The following ZNF169 variants were observed in gnomAD, a reference collection of about 807,000 sequenced individuals.
The protein encoded by ZNF169 is zinc finger protein 169.
ZNF169 carries 11 observed loss-of-function variants against 12.0 expected under a neutral mutation model. The ratio of observed to expected loss-of-function variants is 0.92; its 90% CI spans 0.58 to 1.52. ZNF169 has a LOEUF of 1.52. Among genes scored for constraint, ZNF169 ranks in the 40% most tolerant of loss-of-function variants. ZNF169 has a pLI of 0.00. For synonymous variants in ZNF169, 302 were observed against 286.5 expected (o/e 1.05, Z -0.55); for missense variants, 722 against 744.0 (o/e 0.97, Z 0.34).
At chr9:94,286,317 T>C (rs1222735931) in intron 2 of ZNF169, among the ~76,000 whole-genome samples, 1 of 152,214 alleles carries the variant, frequency 6.6e-6, no homozygotes, top group African/African-American at 2.4e-5. Flanking sequence ...TTACTGATTT[T>C]GTTTTGCATC....
chr9:94,288,403 T>A, intron 2 of ZNF169: 1 of 1,259,518 alleles, frequency 7.9e-7, no homozygotes, highest in Non-Finnish European at 1.1e-6. Flanking sequence ...TTTGGTATTC[T>A]CAGTGTTGGC....
At chr9:94,280,656 C>T (rs191780580) in intron 2 of ZNF169, among the ~76,000 whole-genome samples, 7 of 152,284 alleles carry the variant, frequency 4.6e-5, no homozygotes, top group African/African-American at 1.7e-4. Context: ...CACACCTGGG[C>T]AAGGGAGGGG....
chr9:94,261,225 A>G (rs1830203417), intron 1 of ZNF169, among the ~76,000 whole-genome samples: 1 of 151,972 alleles, frequency 6.6e-6, no homozygotes, highest in East Asian at 1.9e-4. Context: ...TGTTTTTACC[A>G]TGTTGGCTAG....
intron 2 of ZNF169, 66 bp downstream of exon 2, chr9:94,278,911 C>G (rs1231658133): frequency 6.4e-7 from 1 of 1,562,866 alleles, no homozygotes; most frequent in African/African-American, 1.4e-5. Flanking sequence ...GTCCTGAAGG[C>G]TGCCTTCTTG....
At chr9:94,280,172 A>C (rs890716444) in intron 2 of ZNF169, among the ~76,000 whole-genome samples, 1 of 152,220 alleles carries the variant, frequency 6.6e-6, no homozygotes, top group African/African-American at 2.4e-5. Flanking sequence ...GGATAAATTA[A>C]AAATGGTTTT....
At chr9:94,293,279 C>G (rs535441003) in intron 4 of ZNF169, 1 of 601,438 alleles carries the variant, frequency 1.7e-6, no homozygotes, top group Non-Finnish European at 3.0e-6. Flanking sequence ...CTTCCTCCAT[C>G]AGGGAGCCTC....
intron 1 of ZNF169, among the ~76,000 whole-genome samples, chr9:94,277,903 G>A (rs1564086194): frequency 6.7e-6 from 1 of 149,020 alleles, no homozygotes; most frequent in Non-Finnish European, 1.5e-5. Context: ...CTGCACTCCC[G>A]CCTGGGCCAC....
chr9:94,286,041 A>C (rs192451864), intron 2 of ZNF169, among the ~76,000 whole-genome samples: 135 of 152,276 alleles, frequency 8.9e-4, no homozygotes, highest in Non-Finnish European at 1.6e-3. Context: ...ACTGTGCCTA[A>C]AGTGCATAAA....
At chr9:94,275,542 T>C (rs1392430475) in intron 1 of ZNF169, among the ~76,000 whole-genome samples, 1 of 152,236 alleles carries the variant, frequency 6.6e-6, no homozygotes, top group African/African-American at 2.4e-5. Context: ...CACTTTTCCA[T>C]TAACTGAGTG....
chr9:94,277,946 A>G (rs181002124), intron 1 of ZNF169, among the ~76,000 whole-genome samples: 10,523 of 151,438 alleles, frequency 0.069, 813 homozygotes, highest in East Asian at 0.29. Flanking sequence ...AAAAAAAGAA[A>G]AAAGAAAAAT....
At chr9:94,299,686 G>C in intron 4 of ZNF169, 129 bp from the exon 5 acceptor site, 1 of 1,454,934 alleles carries the variant, frequency 6.9e-7, no homozygotes, top group Non-Finnish European at 9.0e-7. Flanking sequence ...TGCTGCAATA[G>C]AGCATGTAAT....
intron 2 of ZNF169, among the ~76,000 whole-genome samples, chr9:94,290,064 A>AT (rs1332557302): frequency 6.6e-6 from 1 of 152,240 alleles, no homozygotes; most frequent in Non-Finnish European, 1.5e-5. Context: ...AGTTAAAAAT[A>AT]TTTTTTCTAA....
Position 94,278,797 on chromosome 9 carries a change from T to G in ZNF169, c.-16T>G. 1 of 1,613,708 alleles carries G rather than the reference T, an allele frequency of 6.2e-7. No individual in the cohort carries two copies. Among genetic ancestry groups the G allele is most frequent in the Non-Finnish European group, 8.5e-7 (1 of 1,179,862 alleles). ...CTTGACTCTCCTCTAGGAAGAGTAC[T>G]CCAGAGAGCAGGGATATGTCACCAG... On this transcript the variant is annotated 5_prime_UTR_variant, in exon 2 of 5. Coordinates refer to ENST00000395395, the MANE Select transcript of ZNF169 (RefSeq NM_194320.4).
intron 4 of ZNF169, 77 bp from the exon 5 acceptor site, chr9:94,299,738 C>G: frequency 6.6e-7 from 1 of 1,525,888 alleles, no homozygotes; most frequent in Non-Finnish European, 8.8e-7. Context: ...TTGTGAACAT[C>G]TGAAGAAAAC....
intron 2 of ZNF169, among the ~76,000 whole-genome samples, chr9:94,291,667 A>G (rs531427634): frequency 1.3e-5 from 2 of 152,366 alleles, no homozygotes; most frequent in South Asian, 4.1e-4. Context: ...ATCATATGTC[A>G]TAGCATGAAC....
At chr9:94,291,501 T>A (rs555103698) in intron 2 of ZNF169, among the ~76,000 whole-genome samples, 1 of 152,254 alleles carries the variant, frequency 6.6e-6, no homozygotes, top group South Asian at 2.1e-4. Context: ...ATAAGAGACA[T>A]ACAGATCATT....
chr9:94,259,646 G>A (rs775712020), intron 1 of ZNF169, among the ~76,000 whole-genome samples: 5 of 152,132 alleles, frequency 3.3e-5, no homozygotes, highest in Non-Finnish European at 5.9e-5. Flanking sequence ...CCGACTTCCC[G>A]AGCTACTTCG....
At position 94,300,690 on chromosome 9, in the gene ZNF169, G is replaced by C; in HGVS notation, c.1132G>C (p.Glu378Gln). 6.2e-7 allele frequency: 1 copy of C among 1,612,152 alleles called. No homozygotes were observed. The highest frequency in any genetic ancestry group is 8.5e-7 in the Non-Finnish European group (1 of 1,179,364). ...HTGERPFLCL[E>Q]CGRSFRQQSL... ...AGGGGAGAGGCCCTTCCTGTGCCTT[G>C]AGTGTGGGCGTAGCTTCAGGCAGCA... Residue 378 changes from glutamate (E) to glutamine (Q), a missense_variant, in exon 5 of 5, where the codon GAG becomes CAG. Glu to Gln is a conservative substitution (Grantham distance 29, BLOSUM62 2). Transcript: ENST00000395395.
intron 2 of ZNF169, among the ~76,000 whole-genome samples, chr9:94,283,970 G>C (rs12341738): frequency 0.076 from 11,388 of 150,780 alleles, 593 homozygotes; most frequent in Middle Eastern, 0.13. Context: ...TACCTGGGAG[G>C]CTGAGGCAGG....
Sources: gnomAD v4.1 joint callset for allele counts (sites outside exome capture counted in the v4.1 genomes callset) on GRCh38, gnomAD v4.1.1 for gene constraint, MANE v1.5 for transcripts, NCBI Gene and HGNC (gene_info 2026-07-23, HGNC 2026-07-21) for gene names.